The following SLC22A16 variants were observed in gnomAD, a reference collection of about 807,000 sequenced individuals.
SLC22A16 encodes the protein solute carrier family 22 member 16.
In SLC22A16, 53 loss-of-function variants were observed where a neutral mutation model predicts 52.9. The observed-to-expected ratio is 1.00, with a 90% confidence interval of 0.80 to 1.26. The LOEUF is 1.26. SLC22A16 is among the 50% of genes most tolerant of loss of function. The probability of loss-of-function intolerance (pLI) is 0.00; values close to 1 mark genes in which losing one functional copy is unlikely to be tolerated. For synonymous variants in SLC22A16, 291 were observed against 268.8 expected (o/e 1.08, Z -0.81); for missense variants, 726 against 704.0 (o/e 1.03, Z -0.35).
At chr6:110,460,605 T>A (rs1284761059) in intron 1 of SLC22A16, among the ~76,000 whole-genome samples, 1 of 152,130 alleles carries the variant, frequency 6.6e-6, no homozygotes, top group Middle Eastern at 3.2e-3. Flanking sequence ...TTCCTGAGAA[T>A]AGAGTGCCAG....
At chr6:110,431,471 T>C (rs1774502295) in intron 6 of SLC22A16, among the ~76,000 whole-genome samples, 1 of 152,230 alleles carries the variant, frequency 6.6e-6, no homozygotes, top group Non-Finnish European at 1.5e-5. Context: ...TATCTTTCAA[T>C]ATGTTTAGAT....
In SLC22A16 at chr6:110,456,633, C is replaced by A; in HGVS notation, c.438G>T (p.Leu146=). 2 of 1,614,144 alleles carry A rather than the reference C, an allele frequency of 1.2e-6. No individual in the cohort carries two copies. Among genetic ancestry groups the A allele is most frequent in the South Asian group, 2.2e-5 (2 of 91,076 alleles). Residue 146 remains leucine (L), a synonymous_variant, in exon 2 of 8, where the codon CTG becomes CTT. Transcript: ENST00000368919. The part of the protein sequence containing the change: ...WKSTAVTQWN[L]VCDRKWLAML... Reference sequence around the variant, plus strand: ...TTGCAAGCCATTTTCGGTCACAGACCAGGTTCCACTGGGTCACCGCAGTGC... The same window carrying A: ...TTGCAAGCCATTTTCGGTCACAGACAAGGTTCCACTGGGTCACCGCAGTGC...
At chr6:110,432,196 G>A (rs1230690491) in intron 6 of SLC22A16, among the ~76,000 whole-genome samples, 1 of 152,140 alleles carries the variant, frequency 6.6e-6, no homozygotes, top group Non-Finnish European at 1.5e-5. Context: ...GCATTCTTCT[G>A]AGAAAGAAAT....
In SLC22A16 at chr6:110,442,495, A is replaced by AT. The variant is rs781448535; in HGVS notation, c.931dup (p.Met311AsnfsTer11). ...GGAGCTTGCCCTGTTCCACTTGGCC[A>AT]TGATGTCAACTATTTTTTGTGCTTC... On this transcript the variant is annotated frameshift_variant, in exon 4 of 8. Transcript: ENST00000368919. LOFTEE classifies it high-confidence loss of function. The AT allele has an allele frequency of 7.4e-6, 12 of 1,614,248 alleles. No individual in the cohort carries two copies. The highest frequency in any genetic ancestry group is 3.3e-4 in the Middle Eastern group (2 of 6,060).
chr6:110,475,502 C>G (rs1054069742), intron 1 of SLC22A16, among the ~76,000 whole-genome samples: 17 of 152,222 alleles, frequency 1.1e-4, no homozygotes, highest in Admixed American at 8.5e-4. Flanking sequence ...CCCGTTTCCT[C>G]TGTCCTAACA....
intron 7 of SLC22A16, among the ~76,000 whole-genome samples, chr6:110,426,643 T>C (rs1774266802): frequency 6.6e-6 from 1 of 152,106 alleles, no homozygotes; most frequent in Non-Finnish European, 1.5e-5. Flanking sequence ...CTATTTTCCC[T>C]TGGCAAAAAG....
At chr6:110,474,800 G>C (rs1431533155) in intron 1 of SLC22A16, 1 of 414,260 alleles carries the variant, frequency 2.4e-6, no homozygotes, top group East Asian at 6.5e-5. Flanking sequence ...GCTGTGGGCA[G>C]TTACTGGAGA....
Position 110,466,447 on chromosome 6 carries a change from C to A in SLC22A16, c.54-9430G>T, listed in dbSNP as rs563479769. 7.6e-3 allele frequency among the ~76,000 whole-genome samples: 1,128 copies of A among 149,388 alleles called. 14 individuals carry two copies. Among genetic ancestry groups the A allele is most frequent in the African/African-American group, 0.027 (1,088 of 40,220 alleles). On this transcript the variant is annotated intron_variant, in intron 1 of 7. Transcript: ENST00000368919. Reference sequence around the variant, plus strand: ...GAACTCAAATTAATACAAAAAAAAACCATTAAAAAGTAGGCAAAGGACATA... The same window carrying A: ...GAACTCAAATTAATACAAAAAAAAAACATTAAAAAGTAGGCAAAGGACATA...
At chr6:110,467,046 T>A (rs1327120838) in intron 1 of SLC22A16, among the ~76,000 whole-genome samples, 1 of 152,182 alleles carries the variant, frequency 6.6e-6, no homozygotes, top group African/African-American at 2.4e-5. Context: ...CATGAGAGAA[T>A]GAGAGTTTTT....
intron 1 of SLC22A16, among the ~76,000 whole-genome samples, chr6:110,467,561 G>A (rs1299267545): frequency 6.6e-6 from 1 of 152,146 alleles, no homozygotes; most frequent in Non-Finnish European, 1.5e-5. Context: ...ATAGAATGCT[G>A]GAGAATACCT....
At chr6:110,430,163 T>C (rs1774438137) in intron 7 of SLC22A16, among the ~76,000 whole-genome samples, 1 of 151,636 alleles carries the variant, frequency 6.6e-6, no homozygotes, top group Non-Finnish European at 1.5e-5. Flanking sequence ...GGACCAGGCA[T>C]GCAGGGGTAG....
intron 1 of SLC22A16, among the ~76,000 whole-genome samples, chr6:110,457,482 C>A (rs145565595): frequency 6.6e-6 from 1 of 151,926 alleles, no homozygotes; most frequent in Non-Finnish European, 1.5e-5. Context: ...ACCCAGGTGC[C>A]GAGGCAAGAG....
At chr6:110,444,133 C>A (rs528076951) in intron 3 of SLC22A16, among the ~76,000 whole-genome samples, 1 of 152,232 alleles carries the variant, frequency 6.6e-6, no homozygotes, top group South Asian at 2.1e-4. Context: ...GTTATATGTA[C>A]TTTACCACAA....
chr6:110,431,702 A>C (rs1774513983), intron 6 of SLC22A16, among the ~76,000 whole-genome samples: 1 of 152,226 alleles, frequency 6.6e-6, no homozygotes, highest in African/African-American at 2.4e-5. Flanking sequence ...TAAGCAACAC[A>C]TGACCGTAAA....
chr6:110,433,550 G>GA (rs1365060361), intron 6 of SLC22A16, among the ~76,000 whole-genome samples: 1 of 152,184 alleles, frequency 6.6e-6, no homozygotes, highest in Admixed American at 6.5e-5. Flanking sequence ...TATCTCTATA[G>GA]AAAGTCACTT....
chr6:110,425,169 A>G, intron 7 of SLC22A16, 84 bp from the exon 8 acceptor site: 1 of 1,568,386 alleles, frequency 6.4e-7, no homozygotes, highest in Non-Finnish European at 8.6e-7. Flanking sequence ...AACTGTTTTC[A>G]GAGGGTAATG....
chr6:110,427,386 C>T (rs1314444691), intron 7 of SLC22A16, among the ~76,000 whole-genome samples: 14 of 152,156 alleles, frequency 9.2e-5, no homozygotes. Flanking sequence ...TACTTAACCT[C>T]TCTGCTCCTC....
At position 110,447,002 on chromosome 6, in the gene SLC22A16, G is replaced by A. The variant is rs375087710; in HGVS notation, c.534-12C>T. 3.6e-5 allele frequency: 58 copies of A among 1,602,060 alleles called. No homozygotes were observed. The highest frequency in any genetic ancestry group is 4.2e-5 in the Non-Finnish European group (49 of 1,173,244). ...CCCGGCGTCCTAGCCTGAAAAATAA[G>A]AGTCACACAGTGGAAGAGGAAAGGT... is the stretch of plus-strand genomic sequence containing the variant. On this transcript the variant is annotated splice_polypyrimidine_tract_variant and intron_variant, in intron 2 of 7. Coordinates refer to ENST00000368919, the MANE Select transcript of SLC22A16 (RefSeq NM_033125.4).
chr6:110,454,854 A>T (rs1431949269), intron 2 of SLC22A16, among the ~76,000 whole-genome samples: 26 of 79,352 alleles, frequency 3.3e-4, no homozygotes, highest in African/African-American at 1.4e-3. Context: ...AATATATATA[A>T]TATATGTTAT....
Sources: gnomAD v4.1 joint callset for allele counts (sites outside exome capture counted in the v4.1 genomes callset) on GRCh38, gnomAD v4.1.1 for gene constraint, MANE v1.5 for transcripts, NCBI Gene and HGNC (gene_info 2026-07-23, HGNC 2026-07-21) for gene names.